Variants in SP100 observed in about 807,000 individuals in gnomAD.
SP100 encodes nuclear autoantigen Sp-100.
In SP100, 84 loss-of-function variants were observed where a neutral mutation model predicts 130.0. The ratio of observed to expected loss-of-function variants is 0.65; its 90% confidence interval spans 0.54 to 0.77. The LOEUF (loss-of-function observed/expected upper bound fraction) is 0.77. Ranked by LOEUF, SP100 falls within the 30% of genes least tolerant of loss-of-function variation. The probability of loss-of-function intolerance (pLI) is 0.00; values close to 1 mark genes in which losing one functional copy is unlikely to be tolerated. For missense variants in SP100, 978 were observed against 1,052.2 expected (o/e 0.93, Z 0.97); for synonymous variants, 331 against 351.7 (o/e 0.94, Z 0.66).
chr2:230,471,158 A>G (rs2065246090), intron 15 of SP100, among the ~76,000 whole-genome samples: 1 of 152,220 alleles, frequency 6.6e-6, no homozygotes, highest in Middle Eastern at 3.2e-3. Flanking sequence ...GGAAACAGAA[A>G]AAGCAACACA....
At chr2:230,516,196 T>A in intron 24 of SP100, 1 of 385,678 alleles carries the variant, frequency 2.6e-6, no homozygotes, top group Non-Finnish European at 3.5e-6. Context: ...TTGTCATACT[T>A]GAAAATATGA....
At chr2:230,519,626 A>G (rs1691077986) in intron 24 of SP100, among the ~76,000 whole-genome samples, 1 of 152,156 alleles carries the variant, frequency 6.6e-6, no homozygotes, top group Non-Finnish European at 1.5e-5. Context: ...ATTGGAATGA[A>G]AGGGAGAAAG....
Position 230,423,232 on chromosome 2 carries a change from G to T in SP100, c.107+5567G>T, listed in dbSNP as rs141265086. The stretch of plus-strand genomic sequence containing the variant: ...TTATGCTGACCTTTGAGCCAGTTTT[G>T]ATTGTTTATTGTCCTAAAAAGTAAC... On this transcript the variant is annotated intron_variant, in intron 2 of 28. Coordinates refer to ENST00000340126, the MANE Select transcript of SP100 (RefSeq NM_001080391.2). Among the ~76,000 whole-genome samples, 42 of 152,204 alleles carry T rather than the reference G, an allele frequency of 2.8e-4. 1 individual carries two copies. In the East Asian group the frequency reaches 7.0e-3, roughly 25 times the overall value.
chr2:230,506,191 T>C (rs954812163), intron 21 of SP100, 112 bp from the exon 22 acceptor site: 6 of 1,120,278 alleles, frequency 5.4e-6, no homozygotes, highest in Non-Finnish European at 7.8e-6. Flanking sequence ...AAATTCAGAC[T>C]TTACTGCTAC....
At chr2:230,531,596 A>C (rs1691708282) in intron 24 of SP100, among the ~76,000 whole-genome samples, 1 of 152,052 alleles carries the variant, frequency 6.6e-6, no homozygotes, top group Non-Finnish European at 1.5e-5. Context: ...ATACATTGGC[A>C]GTTTGGCATT....
At chr2:230,431,866 T>C (rs1201559973) in intron 2 of SP100, among the ~76,000 whole-genome samples, 1 of 152,200 alleles carries the variant, frequency 6.6e-6, no homozygotes, top group African/African-American at 2.4e-5. Flanking sequence ...ACACCCACCT[T>C]TATTTTTTAA....
intron 11 of SP100, among the ~76,000 whole-genome samples, 199 bp from the exon 12 acceptor site, chr2:230,466,102 T>C (rs2064933997): frequency 7.0e-6 from 1 of 143,100 alleles, no homozygotes; most frequent in Admixed American, 7.5e-5. Context: ...GGAGAATCAC[T>C]GGAACCTGGG....
chr2:230,503,035 A>G lies in SP100; in HGVS notation c.1721-31A>G, dbSNP rs900439363. The G allele has an allele frequency of 9.7e-6, 15 of 1,540,870 alleles. No homozygotes were observed. The Admixed American group carries it at 1.8e-4, about 19-fold the overall frequency. ...AAACACTACTATTTGCAATGTAAAG[A>G]GACATTTATGTTGTTTTTCAACTTT... On this transcript the variant is annotated intron_variant, in intron 19 of 28. Coordinates refer to ENST00000340126, the MANE Select transcript of SP100 (RefSeq NM_001080391.2).
chr2:230,429,237 T>G (rs1337958534), intron 2 of SP100, among the ~76,000 whole-genome samples: 1 of 152,190 alleles, frequency 6.6e-6, no homozygotes, highest in Non-Finnish European at 1.5e-5. Flanking sequence ...TCTTGGTCAG[T>G]AGAGTTTCTA....
intron 4 of SP100, among the ~76,000 whole-genome samples, chr2:230,446,460 A>T (rs544215163): frequency 3.9e-4 from 60 of 152,344 alleles, no homozygotes; most frequent in African/African-American, 1.4e-3. Flanking sequence ...ATTATAAAAA[A>T]GTGGAATCTC....
intron 13 of SP100, among the ~76,000 whole-genome samples, chr2:230,468,314 T>C (rs922971075): frequency 3.9e-4 from 59 of 152,324 alleles, no homozygotes; most frequent in African/African-American, 1.3e-3. Flanking sequence ...ATGTGGTTTA[T>C]ATTCTATATA....
chr2:230,470,851 G>T (rs777558072), intron 15 of SP100, among the ~76,000 whole-genome samples: 14 of 152,166 alleles, frequency 9.2e-5, no homozygotes, highest in Non-Finnish European at 7.4e-5. Context: ...ATTCACAGGA[G>T]ACTATACCAG....
At chr2:230,500,913 G>C (rs1010578255) in intron 19 of SP100, among the ~76,000 whole-genome samples, 7 of 152,224 alleles carry the variant, frequency 4.6e-5, no homozygotes, top group African/African-American at 1.7e-4. Flanking sequence ...ATTCCTTGAG[G>C]TCTCCATTCT....
At chr2:230,491,296 G>A (rs924672565) in intron 17 of SP100, among the ~76,000 whole-genome samples, 1 of 152,220 alleles carries the variant, frequency 6.6e-6, no homozygotes, top group Admixed American at 6.5e-5. Flanking sequence ...GGTTCATGGA[G>A]ACTGCGGCCT....
chr2:230,473,612 A>G (rs565076841), intron 16 of SP100, among the ~76,000 whole-genome samples, 172 bp downstream of exon 16: 2 of 152,358 alleles, frequency 1.3e-5, no homozygotes, highest in East Asian at 3.9e-4. Context: ...GTCTGAAATC[A>G]TAGTCCCGGT....
chr2:230,417,643 G>A lies in SP100; in HGVS notation c.85G>A (p.Ala29Thr). The part of the protein sequence containing the change: ...PVANEMNHLP[A>T]HSHDLQRMFT... ...AGCAAATGAGATGAACCATCTTCCT[G>A]CACACAGCCACGATTTGCAAAGGTG... The change falls in exon 2 of 29, where the codon GCA becomes ACA. Residue 29 changes from alanine (A) to threonine (T), a missense_variant. Physicochemically the swap from Ala to Thr is moderately conservative, Grantham distance 58. Transcript: ENST00000340126. 1 of 1,612,852 alleles carries A rather than the reference G, an allele frequency of 6.2e-7. No individual in the cohort carries two copies. The highest frequency in any genetic ancestry group is 8.5e-7 in the Non-Finnish European group (1 of 1,179,612).
At chr2:230,508,142 T>A (rs1690263135) in intron 23 of SP100, 111 bp downstream of exon 23, 2 of 1,521,790 alleles carry the variant, frequency 1.3e-6, no homozygotes, top group Admixed American at 4.4e-5. Flanking sequence ...TTTGATTTTA[T>A]AATATGATGC....
chr2:230,497,916 A>G (rs1373277495), intron 18 of SP100, among the ~76,000 whole-genome samples: 1 of 152,296 alleles, frequency 6.6e-6, no homozygotes, highest in East Asian at 1.9e-4. Context: ...GAGGGCTAAG[A>G]TGGTGGCTAG....
At chr2:230,438,292 C>T (rs955782551) in intron 2 of SP100, among the ~76,000 whole-genome samples, 8 of 151,414 alleles carry the variant, frequency 5.3e-5, no homozygotes, top group Non-Finnish European at 1.2e-4. Flanking sequence ...TATTTCATTT[C>T]AGTAGTTTTG....
Sources: gnomAD v4.1 joint callset for allele counts (sites outside exome capture counted in the v4.1 genomes callset) on GRCh38, gnomAD v4.1.1 for gene constraint, MANE v1.5 for transcripts, NCBI Gene and HGNC (gene_info 2026-07-23, HGNC 2026-07-21) for gene names.